The following GRIP1 variants were observed in gnomAD, a reference collection of about 807,000 sequenced individuals.
The protein encoded by GRIP1 is glutamate receptor interacting protein 1.
GRIP1 carries 45 observed loss-of-function variants against 129.9 expected under a neutral mutation model. The observed-to-expected ratio is 0.35, with a 90% CI of 0.27 to 0.44. The LOEUF (loss-of-function observed/expected upper bound fraction) is 0.44. GRIP1 is among the 20% of genes least tolerant of loss of function. GRIP1 has a pLI of 1.00. For missense variants in GRIP1, 1,196 were observed against 1,396.8 expected (o/e 0.86, Z 2.29); for synonymous variants, 530 against 520.8 (o/e 1.02, Z -0.24).
chr12:66,369,704 T>G (rs1213930146), intron 23 of GRIP1, among the ~76,000 whole-genome samples: 1 of 152,100 alleles, frequency 6.6e-6, no homozygotes, highest in Non-Finnish European at 1.5e-5. Context: ...GGAACAGAAC[T>G]GCACAGAAGA....
exon 1 of GRIP1, chr12:67,069,087 ATTC>A: frequency 1.0e-6 from 1 of 983,548 alleles, no homozygotes; most frequent in Non-Finnish European, 1.2e-6. Flanking sequence ...AGATAGGGAT[ATTC>A]TTCTTCCAGC....
At chr12:66,567,752 G>GA (rs1234763292) in intron 2 of GRIP1, 3 of 218,308 alleles carry the variant, frequency 1.4e-5, no homozygotes, top group East Asian at 1.1e-4. Context: ...ATCCTTTGGA[G>GA]AAAAAAATCA....
chr12:67,008,562 A>C (rs1436545835), intron 1 of GRIP1, among the ~76,000 whole-genome samples: 1 of 152,174 alleles, frequency 6.6e-6, no homozygotes, highest in East Asian at 1.9e-4. Flanking sequence ...CAGACTCTGG[A>C]ATTAGAGAGG....
intron 14 of GRIP1, among the ~76,000 whole-genome samples, chr12:66,427,748 G>T (rs554083439): frequency 1.3e-5 from 2 of 152,208 alleles, no homozygotes; most frequent in African/African-American, 4.8e-5. Context: ...CTTCCTGAGA[G>T]ACCTGGAGAG....
intron 12 of GRIP1, 95 bp from the exon 13 acceptor site, chr12:66,444,824 C>T: frequency 7.5e-7 from 1 of 1,328,094 alleles, no homozygotes; most frequent in Non-Finnish European, 1.1e-6. Flanking sequence ...TGCAAAATAG[C>T]ATCATAATTT....
intron 1 of GRIP1, among the ~76,000 whole-genome samples, chr12:66,670,593 A>ACT (rs2136232720): frequency 6.6e-6 from 1 of 152,316 alleles, no homozygotes; most frequent in South Asian, 2.1e-4. Context: ...TGTCTTCAAA[A>ACT]CTCTCACCAA....
At chr12:66,881,631 C>T (rs1400095941) in intron 1 of GRIP1, among the ~76,000 whole-genome samples, 1 of 151,966 alleles carries the variant, frequency 6.6e-6, no homozygotes, top group Non-Finnish European at 1.5e-5. Context: ...ATGAAACTCA[C>T]AGACATTATT....
Position 66,883,856 on chromosome 12 carries a change from C to A in GRIP1, c.58+185194G>T, listed in dbSNP as rs2040520621. Reference sequence around the variant, plus strand: ...CAAGTTGTTCAACTTCTATAAATTTCTGTTTTTACATCTGCAAAATGGGCA... The same window carrying A: ...CAAGTTGTTCAACTTCTATAAATTTATGTTTTTACATCTGCAAAATGGGCA... On this transcript the variant is annotated intron_variant, in intron 1 of 1. Transcript: ENST00000643019. Among the ~76,000 whole-genome samples the A allele has an allele frequency of 3.3e-5, 5 of 152,322 alleles. 1 individual carries two copies. The Middle Eastern group carries it at 0.014, about 414-fold the overall frequency.
chr12:66,681,177 C>T (rs897279299), upstream of GRIP1, among the ~76,000 whole-genome samples: 1 of 152,026 alleles, frequency 6.6e-6, no homozygotes, highest in Non-Finnish European at 1.5e-5. Context: ...CAGGTGCAGC[C>T]CCAGGAATCT....
intron 1 of GRIP1, among the ~76,000 whole-genome samples, chr12:66,977,893 G>A (rs1210415730): frequency 7.7e-6 from 1 of 129,366 alleles, no homozygotes; most frequent in Non-Finnish European, 1.5e-5. Context: ...CCTCTCTACA[G>A]CCTTGAACTC....
intron 1 of GRIP1, among the ~76,000 whole-genome samples, chr12:66,898,934 C>A (rs2040797810): frequency 6.6e-6 from 1 of 152,088 alleles, no homozygotes; most frequent in Non-Finnish European, 1.5e-5. Context: ...AGGATCCTGG[C>A]AGTAGCAAGA....
chr12:66,549,881 T>TGG (rs374467948), intron 2 of GRIP1, among the ~76,000 whole-genome samples: 59,344 of 151,736 alleles, frequency 0.39, 11,638 homozygotes, highest in East Asian at 0.41. Context: ...GTATGTTTCC[T>TGG]ATTGCACCTC....
intron 1 of GRIP1, among the ~76,000 whole-genome samples, chr12:66,741,681 T>G (rs918364795): frequency 6.6e-6 from 1 of 152,306 alleles, no homozygotes; most frequent in East Asian, 1.9e-4. Context: ...GGTTTCATAT[T>G]GGGGGGTTGC....
intron 10 of GRIP1, among the ~76,000 whole-genome samples, chr12:66,455,795 T>C (rs188017231): frequency 6.0e-4 from 92 of 152,304 alleles, no homozygotes; most frequent in African/African-American, 2.2e-3. Flanking sequence ...ACAAAGAGAC[T>C]CTGTGAGAAT....
intron 1 of GRIP1, among the ~76,000 whole-genome samples, chr12:66,648,393 C>T (rs926492984): frequency 6.6e-6 from 1 of 152,200 alleles, no homozygotes; most frequent in Non-Finnish European, 1.5e-5. Flanking sequence ...GAGAATATGG[C>T]TTCTCCCTTC....
At chr12:66,974,406 T>C (rs1475438258) in intron 1 of GRIP1, among the ~76,000 whole-genome samples, 1 of 152,204 alleles carries the variant, frequency 6.6e-6, no homozygotes, top group Non-Finnish European at 1.5e-5. Flanking sequence ...TTATTGAGTA[T>C]CTTGTCCAAC....
chr12:66,526,593 C>T (rs900529290), intron 5 of GRIP1, among the ~76,000 whole-genome samples: 3 of 152,232 alleles, frequency 2.0e-5, no homozygotes, highest in East Asian at 1.9e-4. Context: ...AAAACCTAGG[C>T]AATATCATTC....
intron 1 of GRIP1, among the ~76,000 whole-genome samples, chr12:66,686,829 G>C (rs903540598): frequency 2.0e-4 from 31 of 152,214 alleles, no homozygotes; most frequent in African/African-American, 7.2e-4. Flanking sequence ...GGCTGAGGCA[G>C]GAGGATCACT....
chr12:66,453,034 A>C (rs368504022), intron 11 of GRIP1, among the ~76,000 whole-genome samples: 23 of 152,340 alleles, frequency 1.5e-4, no homozygotes, highest in African/African-American at 5.5e-4. Context: ...TCTAGTGGCC[A>C]ATGTCTACAG....
Sources: allele counts gnomAD v4.1 joint callset (sites outside exome capture counted in the v4.1 genomes callset), GRCh38; gene constraint gnomAD v4.1.1; transcripts MANE v1.5; gene names NCBI Gene and HGNC (gene_info 2026-07-23, HGNC 2026-07-21).